The following ELMO1 variants were observed in gnomAD, a reference collection of about 807,000 sequenced individuals.
ELMO1 encodes the protein engulfment and cell motility 1.
ELMO1 carries 26 observed loss-of-function variants against 98.9 expected under a neutral mutation model. The ratio of observed to expected loss-of-function variants is 0.26; its 90% CI spans 0.19 to 0.36. The LOEUF (loss-of-function observed/expected upper bound fraction) is 0.36. Among genes scored for constraint, ELMO1 ranks in the 10% least tolerant of loss-of-function variants. The pLI, the probability that ELMO1 is intolerant of heterozygous loss-of-function variation, is 1.00. For synonymous variants in ELMO1, 346 were observed against 346.0 expected (o/e 1.00, Z 0.00); for missense variants, 627 against 935.2 (o/e 0.67, Z 4.30).
At position 36,912,038 on chromosome 7, in the gene ELMO1, A is replaced by G. The variant is rs577978911; in HGVS notation, c.1438-17021T>C. Reference sequence around the variant, plus strand: ...GCAGAGAATGTACGTCAGCTAAATGAGTATTGCTTTAGATGTTACACCGAG... The same window carrying G: ...GCAGAGAATGTACGTCAGCTAAATGGGTATTGCTTTAGATGTTACACCGAG... On this transcript the variant is annotated intron_variant, in intron 16 of 21. Transcript: ENST00000310758. 2.0e-5 allele frequency among the ~76,000 whole-genome samples: 3 copies of G among 152,330 alleles called. No individual in the cohort carries two copies. The East Asian group carries it at 5.8e-4, about 29-fold the overall frequency.
At chr7:37,156,619 AG>A (rs1788785593) in intron 13 of ELMO1, among the ~76,000 whole-genome samples, 1 of 152,238 alleles carries the variant, frequency 6.6e-6, no homozygotes, top group Admixed American at 6.5e-5. Context: ...AGACTAAACC[AG>A]GAAGTAGTTG....
intron 15 of ELMO1, among the ~76,000 whole-genome samples, chr7:37,088,550 A>G (rs1426261698): frequency 6.6e-6 from 1 of 152,228 alleles, no homozygotes; most frequent in Non-Finnish European, 1.5e-5. Flanking sequence ...GAGAATGATG[A>G]CGATCATGAC....
chr7:36,973,752 C>A (rs56054227), intron 16 of ELMO1, among the ~76,000 whole-genome samples: 2 of 152,152 alleles, frequency 1.3e-5, no homozygotes, highest in African/African-American at 4.8e-5. Context: ...GAGGGAGAGG[C>A]GCGAGCGGGA....
intron 19 of ELMO1, among the ~76,000 whole-genome samples, chr7:36,873,307 C>T (rs759023480): frequency 6.6e-6 from 1 of 152,148 alleles, no homozygotes; most frequent in Non-Finnish European, 1.5e-5. Context: ...CCAGAATCTA[C>T]ACTCTAAGGA....
At chr7:36,893,472 A>G (rs891983686) in intron 17 of ELMO1, among the ~76,000 whole-genome samples, 5 of 152,216 alleles carry the variant, frequency 3.3e-5, no homozygotes, top group African/African-American at 9.7e-5. Context: ...GCGCCTTGGA[A>G]GCATTTTCCC....
At chr7:37,268,673 A>G (rs1014978502) in intron 5 of ELMO1, among the ~76,000 whole-genome samples, 1 of 152,220 alleles carries the variant, frequency 6.6e-6, no homozygotes, top group Admixed American at 6.5e-5. Context: ...CACGGCCACT[A>G]GAGAGACTGT....
chr7:37,444,974 C>T (rs1178996334), intron 1 of ELMO1, among the ~76,000 whole-genome samples: 1 of 152,200 alleles, frequency 6.6e-6, no homozygotes, highest in African/African-American at 2.4e-5. Context: ...TCATCAGAAT[C>T]CCTGGCAAGT....
chr7:37,236,943 T>C (rs1471977251), intron 7 of ELMO1, among the ~76,000 whole-genome samples: 1 of 152,220 alleles, frequency 6.6e-6, no homozygotes, highest in Admixed American at 6.5e-5. Flanking sequence ...CTAAAAGAAT[T>C]ACAAATATAA....
chr7:37,118,596 G>A (rs181892384), intron 14 of ELMO1, among the ~76,000 whole-genome samples: 1 of 152,308 alleles, frequency 6.6e-6, no homozygotes, highest in African/African-American at 2.4e-5. Flanking sequence ...ACTACTTTAA[G>A]GAGTGGGAAC....
rs536735762 is a variant in ELMO1 at position 37,346,100 on chromosome 7, G to C, written c.-73-3337C>G. 2.0e-5 allele frequency among the ~76,000 whole-genome samples: 3 copies of C among 152,192 alleles called. No individual in the cohort carries two copies. The South Asian group carries it at 6.2e-4, about 32-fold the overall frequency. ...AGCAAGTGCGAAGGCCCCAAGGCAG[G>C]AGCATGCCTGTTATGTTCCTGAAAC... On this transcript the variant is annotated intron_variant, in intron 1 of 21. Transcript: ENST00000310758.
At chr7:36,997,568 G>A (rs1792313201) in intron 16 of ELMO1, among the ~76,000 whole-genome samples, 1 of 152,156 alleles carries the variant, frequency 6.6e-6, no homozygotes, top group Non-Finnish European at 1.5e-5. Flanking sequence ...TGTCACTCCT[G>A]GAGTTAGAGC....
At chr7:37,114,403 T>C (rs530607535) in intron 14 of ELMO1, among the ~76,000 whole-genome samples, 3 of 152,184 alleles carry the variant, frequency 2.0e-5, no homozygotes, top group East Asian at 1.9e-4. Context: ...GTCAATAGGA[T>C]TGAAAGTAGA....
intron 18 of ELMO1, among the ~76,000 whole-genome samples, chr7:36,883,020 G>A (rs1804611042): frequency 6.6e-6 from 1 of 152,216 alleles, no homozygotes; most frequent in Admixed American, 6.5e-5. Context: ...AGAAAGGAAT[G>A]ACCTGCTCCC....
At chr7:37,029,474 G>C (rs920007044) in intron 15 of ELMO1, among the ~76,000 whole-genome samples, 19 of 151,634 alleles carry the variant, frequency 1.3e-4, no homozygotes, top group Non-Finnish European at 1.9e-4. Flanking sequence ...TTCACAGAAA[G>C]AGCCTCAAAA....
At chr7:36,934,320 T>A (rs1309016087) in intron 16 of ELMO1, among the ~76,000 whole-genome samples, 1 of 152,158 alleles carries the variant, frequency 6.6e-6, no homozygotes, top group Non-Finnish European at 1.5e-5. Context: ...GGGTAGTGGA[T>A]CTGGGAAAGT....
At chr7:37,092,912 T>C (rs1784193654) in intron 15 of ELMO1, among the ~76,000 whole-genome samples, 1 of 148,432 alleles carries the variant, frequency 6.7e-6, no homozygotes, top group African/African-American at 2.6e-5. Context: ...TGTCTTTCTT[T>C]TTCTTTTTTT....
At chr7:36,904,792 G>A (rs1371236933) in intron 16 of ELMO1, among the ~76,000 whole-genome samples, 9 of 152,218 alleles carry the variant, frequency 5.9e-5, no homozygotes, top group Non-Finnish European at 1.3e-4. Flanking sequence ...GAGGTTTGGG[G>A]TCGTCGCTTT....
chr7:36,956,545 TA>T (rs1007997297), intron 16 of ELMO1, among the ~76,000 whole-genome samples: 6 of 151,814 alleles, frequency 4.0e-5, no homozygotes, highest in African/African-American at 9.7e-5. Flanking sequence ...AGACTGCATA[TA>T]AAAAAAAGGT....
chr7:36,952,447 C>A (rs968336037), intron 16 of ELMO1, among the ~76,000 whole-genome samples: 48 of 152,252 alleles, frequency 3.2e-4, no homozygotes, highest in African/African-American at 1.2e-3. Context: ...AAAGAAGACA[C>A]TAATGAATCT....
Sources: allele counts gnomAD v4.1 joint callset (sites outside exome capture counted in the v4.1 genomes callset), GRCh38; gene constraint gnomAD v4.1.1; transcripts MANE v1.5; gene names NCBI Gene and HGNC (gene_info 2026-07-23, HGNC 2026-07-21).